LGR5: variants seen among roughly 807,000 people sequenced by gnomAD.
The protein encoded by LGR5 is leucine-rich repeat-containing G protein-coupled receptor 5.
In LGR5, 54 loss-of-function variants were observed where a neutral mutation model predicts 76.7. The observed-to-expected ratio is 0.70, with a 90% CI of 0.57 to 0.88. The LOEUF is 0.88. LGR5 is among the 40% of genes least tolerant of loss of function. The pLI, the probability that LGR5 is intolerant of heterozygous loss-of-function variation, is 0.00. For missense variants in LGR5, 1,078 were observed against 1,073.3 expected, an observed-to-expected ratio of 1.00 and a Z score of -0.06; for synonymous variants, 406 against 421.9, an observed-to-expected ratio of 0.96 and a Z score of 0.46.
intron 3 of LGR5, among the ~76,000 whole-genome samples, chr12:71,526,758 G>A (rs1247214007): frequency 2.0e-5 from 3 of 152,058 alleles, no homozygotes; most frequent in Admixed American, 6.6e-5. Flanking sequence ...AGTTGATGTC[G>A]TCCCATCTGG....
At chr12:71,580,549 A>G in intron 16 of LGR5, 126 bp downstream of exon 16, 1 of 937,500 alleles carries the variant, frequency 1.1e-6, no homozygotes, top group Non-Finnish European at 1.6e-6. Context: ...TAATCCCAAC[A>G]GTTTGGGAGG....
At chr12:71,566,280 G>A (rs925347921) in intron 8 of LGR5, 124 bp from the exon 9 acceptor site, 2 of 657,276 alleles carry the variant, frequency 3.0e-6, no homozygotes, top group African/African-American at 3.6e-5. Flanking sequence ...AATTGGGAAT[G>A]TTATGTAATA....
chr12:71,528,232 T>G (rs1876117676), intron 3 of LGR5, among the ~76,000 whole-genome samples: 1 of 152,114 alleles, frequency 6.6e-6, no homozygotes, highest in South Asian at 2.1e-4. Context: ...CAGAGGTGAC[T>G]GAATTACTTG....
chr12:71,445,803 C>T (rs1380024879), intron 1 of LGR5, among the ~76,000 whole-genome samples: 2 of 152,178 alleles, frequency 1.3e-5, no homozygotes, highest in Non-Finnish European at 2.9e-5. Context: ...TAGTGGAAAA[C>T]TATTCAAAAG....
chr12:71,584,574 A>T lies in LGR5; in HGVS notation c.2564A>T (p.Asp855Val), dbSNP rs901939592. ...CCAAGCTTGATGTCAATTAACTCTG[A>T]TGATGTCGAAAAACAGTCCTGTGAC... The part of the protein sequence containing the change: ...KHPSLMSINS[D>V]DVEKQSCDST... Residue 855 changes from aspartate (D) to valine (V), a missense_variant, in exon 18 of 18, where the codon GAT (aspartate) becomes GTT (valine). Asp to Val is a radical substitution (Grantham distance 152). Coordinates refer to ENST00000266674, the MANE Select transcript of LGR5 (RefSeq NM_003667.4). 13 of 1,613,992 alleles carry T rather than the reference A, an allele frequency of 8.1e-6. No homozygotes were observed. The highest frequency in any genetic ancestry group is 1.1e-5 in the Non-Finnish European group (13 of 1,180,040).
intron 1 of LGR5, among the ~76,000 whole-genome samples, chr12:71,470,165 C>G (rs1310544958): frequency 6.6e-6 from 1 of 152,184 alleles, no homozygotes; most frequent in Non-Finnish European, 1.5e-5. Flanking sequence ...ATCTTATCAC[C>G]TAAAGGGAAA....
At chr12:71,572,044 A>G (rs1368743830) in intron 12 of LGR5, among the ~76,000 whole-genome samples, 3 of 150,122 alleles carry the variant, frequency 2.0e-5, no homozygotes, top group Non-Finnish European at 2.9e-5. Context: ...ACTCTTTAGA[A>G]TTCCTCTCTT....
At chr12:71,553,007 C>T in intron 4 of LGR5, 66 bp from the exon 5 acceptor site, 1 of 1,474,464 alleles carries the variant, frequency 6.8e-7, no homozygotes, top group Non-Finnish European at 9.4e-7. Flanking sequence ...GGAGGGTTTT[C>T]CTGCAAAGTT....
At chr12:71,570,622 AG>A (rs1489903228) in intron 11 of LGR5, among the ~76,000 whole-genome samples, 1 of 152,176 alleles carries the variant, frequency 6.6e-6, no homozygotes, top group Non-Finnish European at 1.5e-5. Flanking sequence ...TCAAACCTTC[AG>A]AAAGTTACAA....
At chr12:71,487,400 T>C (rs1003175297) in intron 1 of LGR5, among the ~76,000 whole-genome samples, 1 of 152,158 alleles carries the variant, frequency 6.6e-6, no homozygotes, top group African/African-American at 2.4e-5. Context: ...TGAACAGTAC[T>C]TTTAGTGATT....
intron 2 of LGR5, among the ~76,000 whole-genome samples, chr12:71,524,052 AACTCGTG>A (rs1875856231): frequency 6.6e-6 from 1 of 152,204 alleles, no homozygotes; most frequent in Non-Finnish European, 1.5e-5. Context: ...ATAGTTGTAA[AACTCGTG>A]ACAGTCACAT....
chr12:71,522,398 C>T (rs997655866), intron 2 of LGR5, among the ~76,000 whole-genome samples: 2 of 152,100 alleles, frequency 1.3e-5, no homozygotes, highest in Non-Finnish European at 2.9e-5. Flanking sequence ...AAATAAAATA[C>T]CTTTGCCCTG....
chr12:71,475,861 G>T (rs1315937994), intron 1 of LGR5, among the ~76,000 whole-genome samples: 1 of 152,132 alleles, frequency 6.6e-6, no homozygotes, highest in Non-Finnish European at 1.5e-5. Context: ...AATCTGAGAG[G>T]ACAATGAAAC....
chr12:71,451,058 T>C (rs375671962), intron 1 of LGR5, among the ~76,000 whole-genome samples: 2 of 152,132 alleles, frequency 1.3e-5, no homozygotes, highest in South Asian at 4.1e-4. Context: ...AGAGTTTAAT[T>C]GAGCAAAGAA....
rs115584048 is a variant in LGR5 at position 71,577,714 on chromosome 12, C to A, written c.1209-211C>A. On this transcript the variant is annotated intron_variant, in intron 13 of 17. Transcript: ENST00000266674. ...CAAAATATCCACCTGAACGATGTTT[C>A]CTTGATTGGTTTTAACAAGCTTGAT... 2.4e-3 allele frequency among the ~76,000 whole-genome samples: 358 copies of A among 152,180 alleles called. 3 individuals carry two copies. The highest frequency in any genetic ancestry group is 8.0e-3 in the African/African-American group (333 of 41,514).
intron 1 of LGR5, among the ~76,000 whole-genome samples, chr12:71,456,490 G>A (rs915005656): frequency 5.3e-5 from 8 of 152,132 alleles, no homozygotes; most frequent in African/African-American, 1.9e-4. Flanking sequence ...GATTCCGCTT[G>A]GTTGGTTTGT....
At chr12:71,571,633 A>G (rs1057111527) in intron 12 of LGR5, 54 bp downstream of exon 12, 2 of 1,295,412 alleles carry the variant, frequency 1.5e-6, no homozygotes, top group Non-Finnish European at 2.2e-6. Context: ...CAAAACTCAC[A>G]TTTCTCAGGG....
At chr12:71,552,825 C>G (rs1182617544) in intron 4 of LGR5, among the ~76,000 whole-genome samples, 1 of 152,070 alleles carries the variant, frequency 6.6e-6, no homozygotes, top group Admixed American at 6.6e-5. Context: ...AGAACATTAC[C>G]TACAAGCCTG....
At chr12:71,465,886 C>T (rs1295270490) in intron 1 of LGR5, among the ~76,000 whole-genome samples, 1 of 152,230 alleles carries the variant, frequency 6.6e-6, no homozygotes, top group Non-Finnish European at 1.5e-5. Flanking sequence ...AGTGAAACAA[C>T]AGCAGCCACT....
Sources: allele counts gnomAD v4.1 joint callset (sites outside exome capture counted in the v4.1 genomes callset), GRCh38; gene constraint gnomAD v4.1.1; transcripts MANE v1.5; gene names NCBI Gene and HGNC (gene_info 2026-07-23, HGNC 2026-07-21).